SND1: variants seen among roughly 807,000 people sequenced by gnomAD.
SND1 encodes the protein staphylococcal nuclease and tudor domain containing 1.
SND1 carries 38 observed loss-of-function variants against 121.7 expected under a neutral mutation model. That is an observed-to-expected ratio of 0.31 (90% confidence interval 0.24 to 0.41). The LOEUF (loss-of-function observed/expected upper bound fraction) is 0.41. Ranked by LOEUF, SND1 falls within the 10% of genes least tolerant of loss-of-function variation. SND1 has a pLI of 1.00. For missense variants in SND1, 868 were observed against 1,184.6 expected, an observed-to-expected ratio of 0.73 and a Z score of 3.92; for synonymous variants, 401 against 447.4, an observed-to-expected ratio of 0.90 and a Z score of 1.31.
At chr7:127,709,831 G>A (rs189431988) in intron 9 of SND1, among the ~76,000 whole-genome samples, 5 of 152,096 alleles carry the variant, frequency 3.3e-5, no homozygotes, top group Admixed American at 6.5e-5. Flanking sequence ...GTACACGTCC[G>A]CTTAGAGGGT....
chr7:127,749,574 C>T (rs2113343), intron 10 of SND1, among the ~76,000 whole-genome samples: 1 of 152,102 alleles, frequency 6.6e-6, no homozygotes, highest in African/African-American at 2.4e-5. Flanking sequence ...GATACAAGAA[C>T]GTTCACACCG....
intron 16 of SND1, among the ~76,000 whole-genome samples, chr7:128,044,629 C>T (rs1792915024): frequency 1.7e-5 from 2 of 119,476 alleles, no homozygotes; most frequent in Admixed American, 1.8e-4. Flanking sequence ...CCATCTCCCC[C>T]CCCACCCCCG....
chr7:127,734,789 A>G (rs1367112807), intron 10 of SND1, among the ~76,000 whole-genome samples: 2 of 152,210 alleles, frequency 1.3e-5, no homozygotes, highest in East Asian at 3.8e-4. Flanking sequence ...AGTTCTTTTC[A>G]GGACTCAGCT....
chr7:127,996,778 C>T (rs1448283284), intron 16 of SND1, among the ~76,000 whole-genome samples: 1 of 152,206 alleles, frequency 6.6e-6, no homozygotes, highest in Non-Finnish European at 1.5e-5. Context: ...ATCTCAGCCA[C>T]TGCCCAGGAA....
chr7:128,022,216 A>G (rs1254917265), intron 16 of SND1, among the ~76,000 whole-genome samples: 19 of 151,680 alleles, frequency 1.3e-4, no homozygotes, highest in East Asian at 7.7e-4. Flanking sequence ...AAAAAAAAAA[A>G]AAAAAAAAAA....
chr7:127,933,704 G>C (rs1800998830), intron 15 of SND1, among the ~76,000 whole-genome samples: 1 of 152,188 alleles, frequency 6.6e-6, no homozygotes, highest in Admixed American at 6.5e-5. Context: ...AAGAGTTAGT[G>C]TTTTTATAAC....
chr7:128,061,579 T>C (rs918248570), intron 16 of SND1, among the ~76,000 whole-genome samples: 1 of 152,210 alleles, frequency 6.6e-6, no homozygotes, highest in African/African-American at 2.4e-5. Flanking sequence ...CACTAGGAGT[T>C]TGAGAGGGCT....
At chr7:128,068,178 C>G (rs1793349402) in intron 16 of SND1, among the ~76,000 whole-genome samples, 1 of 152,130 alleles carries the variant, frequency 6.6e-6, no homozygotes, top group Admixed American at 6.5e-5. Flanking sequence ...GTCAGAATTT[C>G]CTCCGTGGTT....
rs1584552394 is a variant in SND1, at chr7:127,759,693, ATATT to A, written c.1152+38297_1152+38300del. On this transcript the variant is annotated intron_variant, in intron 10 of 23. Coordinates refer to ENST00000354725, the MANE Select transcript of SND1 (RefSeq NM_014390.4). ...CATAGGGGCATATACATCCATACGT[ATATT>A]TATGTCTGTATGTATTTCTGTAACT... Among the ~76,000 whole-genome samples the A allele has an allele frequency of 6.7e-5, 5 of 75,008 alleles. No homozygotes were observed. In the South Asian group the frequency reaches 2.5e-3, roughly 38 times the overall value. The allele number at this position is 75,008 out of a possible 152,430, so 49.2% of individuals were successfully genotyped here.
At chr7:128,028,547 C>T (rs1025774798) in intron 16 of SND1, 5 of 780,152 alleles carry the variant, frequency 6.4e-6, no homozygotes, top group South Asian at 2.6e-5. Flanking sequence ...TTAATATAAT[C>T]TGTTTTTTTT....
intron 1 of SND1, among the ~76,000 whole-genome samples, chr7:127,680,762 C>T (rs182750795): frequency 6.7e-6 from 1 of 149,252 alleles, no homozygotes; most frequent in Non-Finnish European, 1.5e-5. Context: ...CATACATCCT[C>T]CTCGGCTTAC....
At chr7:127,921,232 G>T (rs1311403208) in intron 14 of SND1, among the ~76,000 whole-genome samples, 1 of 152,168 alleles carries the variant, frequency 6.6e-6, no homozygotes, top group African/African-American at 2.4e-5. Context: ...ATGACCTCAT[G>T]CTCCATCTGA....
intron 15 of SND1, among the ~76,000 whole-genome samples, chr7:127,985,800 G>T (rs1381530968): frequency 6.6e-6 from 1 of 152,164 alleles, no homozygotes. Context: ...TGAGCTGGTG[G>T]ATTTTTCAGT....
At chr7:127,843,095 A>G (rs1295284856) in intron 11 of SND1, among the ~76,000 whole-genome samples, 2 of 152,050 alleles carry the variant, frequency 1.3e-5, no homozygotes, top group Non-Finnish European at 2.9e-5. Context: ...TCTTTTTAAA[A>G]TGGACTTTTT....
At position 128,081,356 on chromosome 7, in the gene SND1, G is replaced by C. The variant is rs1168941289; in HGVS notation, c.1969-4G>C. The C allele has an allele frequency of 6.2e-7, 1 of 1,614,076 alleles. No homozygotes were observed. Among genetic ancestry groups the C allele is most frequent in the Non-Finnish European group, 8.5e-7 (1 of 1,179,988 alleles). ...CTTCTCACCTCTGCCGACTGAACAT[G>C]CAGGTCTGGGCCCACTATGAGGAGC... On this transcript the variant is annotated splice_polypyrimidine_tract_variant and splice_region_variant and intron_variant, in intron 17 of 23. Coordinates refer to ENST00000354725, the MANE Select transcript of SND1 (RefSeq NM_014390.4).
intron 11 of SND1, among the ~76,000 whole-genome samples, chr7:127,813,398 G>C (rs1279090191): frequency 1.3e-5 from 2 of 151,594 alleles, no homozygotes; most frequent in Non-Finnish European, 2.9e-5. Context: ...CTTTCTTCCT[G>C]CTGCCACCTA....
chr7:127,901,046 G>A (rs1266707370), intron 13 of SND1, among the ~76,000 whole-genome samples: 2 of 152,186 alleles, frequency 1.3e-5, no homozygotes, highest in Non-Finnish European at 2.9e-5. Flanking sequence ...AACAGGGAAA[G>A]GCAGTATGGG....
intron 10 of SND1, among the ~76,000 whole-genome samples, chr7:127,735,368 A>T (rs1796757127): frequency 6.6e-6 from 1 of 152,104 alleles, no homozygotes; most frequent in South Asian, 2.1e-4. Flanking sequence ...TATTTTTACA[A>T]ATGAAAATAT....
intron 14 of SND1, among the ~76,000 whole-genome samples, chr7:127,922,410 A>G (rs1016240447): frequency 6.6e-6 from 1 of 151,900 alleles, no homozygotes; most frequent in African/African-American, 2.4e-5. Flanking sequence ...GGTGCTTTGC[A>G]TGTTTTCATT....
Sources: gnomAD v4.1 joint callset for allele counts (sites outside exome capture counted in the v4.1 genomes callset) on GRCh38, gnomAD v4.1.1 for gene constraint, MANE v1.5 for transcripts, NCBI Gene and HGNC (gene_info 2026-07-23, HGNC 2026-07-21) for gene names.